Variants in CATSPERQ observed in about 807,000 individuals in gnomAD.
The protein encoded by CATSPERQ is catsper channel auxiliary subunit theta, also known as cation channel sperm-associated auxiliary subunit theta.
At chr8:144,354,588 CGCCCCGCCCCGCCCA>C in the CATSPERQ span, 1 of 1,283,024 alleles carries the variant, frequency 7.8e-7, no homozygotes, top group Non-Finnish European at 1.1e-6. The surrounding 1 kb of genome is among the most constrained non-coding windows in gnomAD (Gnocchi z 4.6). Context: ...AGCCCCGCCC[CGCCCCGCCCCGCCCA>C]GCCTCGCGCG....
At chr8:144,354,558 T>TG in the CATSPERQ span, 99 of 504,342 alleles carry the variant, frequency 2.0e-4, no homozygotes, top group Non-Finnish European at 3.1e-4. The surrounding 1 kb of genome is among the most constrained non-coding windows in gnomAD (Gnocchi z 4.6). Flanking sequence ...GTCTCCCTCC[T>TG]CCCCCGCCCC....
At chr8:144,354,564 G>A in the CATSPERQ span, 12 of 254,766 alleles carry the variant, frequency 4.7e-5, no homozygotes, top group South Asian at 6.3e-4. This position sits in a 1 kb window ranked among gnomAD's most constrained non-coding sequence, Gnocchi z 4.6. Context: ...CTCCTCCCCC[G>A]CCCCGCCCTT....
the CATSPERQ span, chr8:144,354,256 C>G: frequency 6.5e-7 from 1 of 1,538,648 alleles, no homozygotes; most frequent in African/African-American, 1.4e-5. This position sits in a 1 kb window ranked among gnomAD's most constrained non-coding sequence, Gnocchi z 4.6. Flanking sequence ...GGAGCTGAAG[C>G]TGACCAGGAC....
At chr8:144,354,147 C>A in the CATSPERQ span, 25 of 1,534,706 alleles carry the variant, frequency 1.6e-5, no homozygotes, top group African/African-American at 1.4e-4. The surrounding 1 kb of genome is among the most constrained non-coding windows in gnomAD (Gnocchi z 4.6). Flanking sequence ...CTTGCTTCTG[C>A]ACCTGCGGGC....
chr8:144,354,170 G>A, the CATSPERQ span: 3 of 1,538,782 alleles, frequency 1.9e-6, no homozygotes, highest in African/African-American at 1.4e-5. This position sits in a 1 kb window ranked among gnomAD's most constrained non-coding sequence, Gnocchi z 4.6. Context: ...CACGCGGAGA[G>A]TCTGAGCGGC....
chr8:144,353,996 G>A, the CATSPERQ span: 3 of 1,534,838 alleles, frequency 2.0e-6, no homozygotes, highest in African/African-American at 1.4e-5. Flanking sequence ...AGATGCAAGG[G>A]GCCCTGGCAC....
chr8:144,354,652 T>C, the CATSPERQ span: 21 of 1,533,000 alleles, frequency 1.4e-5, no homozygotes, highest in South Asian at 1.4e-4. The surrounding 1 kb of genome is among the most constrained non-coding windows in gnomAD (Gnocchi z 4.6). Context: ...GTAGAAGCTA[T>C]TGTTCTTGAG....
the CATSPERQ span, chr8:144,354,072 C>T: frequency 1.3e-6 from 2 of 1,535,214 alleles, no homozygotes; most frequent in African/African-American, 1.4e-5. This position sits in a 1 kb window ranked among gnomAD's most constrained non-coding sequence, Gnocchi z 4.6. Flanking sequence ...GGCGGCGCCG[C>T]GGCAGCGACG....
the CATSPERQ span, chr8:144,354,188 C>A: frequency 6.5e-7 from 1 of 1,542,564 alleles, no homozygotes; most frequent in African/African-American, 1.4e-5. This position sits in a 1 kb window ranked among gnomAD's most constrained non-coding sequence, Gnocchi z 4.6. Flanking sequence ...GGCGCGGGGC[C>A]GGCCCTCAGG....
chr8:144,354,742 A>G, the CATSPERQ span: 2 of 1,535,432 alleles, frequency 1.3e-6, no homozygotes, highest in Non-Finnish European at 1.7e-6. The surrounding 1 kb of genome is among the most constrained non-coding windows in gnomAD (Gnocchi z 4.6). Context: ...GGTCGTGGGC[A>G]GGCTGCCGGC....
the CATSPERQ span, chr8:144,354,832 G>A: frequency 6.6e-7 from 1 of 1,506,010 alleles, no homozygotes; most frequent in East Asian, 2.5e-5. This position sits in a 1 kb window ranked among gnomAD's most constrained non-coding sequence, Gnocchi z 4.6. Flanking sequence ...GCCCACAGCG[G>A]CACTCCTACC....
At chr8:144,354,213 G>A in the CATSPERQ span, 1 of 1,546,986 alleles carries the variant, frequency 6.5e-7, no homozygotes, top group African/African-American at 1.4e-5. This position sits in a 1 kb window ranked among gnomAD's most constrained non-coding sequence, Gnocchi z 4.6. Flanking sequence ...GAGGGCGGTG[G>A]GGGTCGGGCC....
chr8:144,353,946 C>CCCGTTA, the CATSPERQ span: 3 of 1,530,690 alleles, frequency 2.0e-6, no homozygotes, highest in Admixed American at 5.9e-5. Flanking sequence ...ACCCTCCCGG[C>CCCGTTA]CCGTTACCAT....
chr8:144,354,468 C>G, the CATSPERQ span: 1 of 1,317,584 alleles, frequency 7.6e-7, no homozygotes, highest in Non-Finnish European at 1.0e-6. This position sits in a 1 kb window ranked among gnomAD's most constrained non-coding sequence, Gnocchi z 4.6. Flanking sequence ...TCTCCGTCCC[C>G]AGGAGCACCG....
chr8:144,354,649 C>G, the CATSPERQ span: 107 of 1,533,452 alleles, frequency 7.0e-5, no homozygotes, highest in Non-Finnish European at 9.1e-5. This position sits in a 1 kb window ranked among gnomAD's most constrained non-coding sequence, Gnocchi z 4.6. Flanking sequence ...TGGGTAGAAG[C>G]TATTGTTCTT....
the CATSPERQ span, chr8:144,354,563 C>T: frequency 2.8e-6 from 2 of 710,142 alleles, no homozygotes; most frequent in Non-Finnish European, 4.4e-6. This position sits in a 1 kb window ranked among gnomAD's most constrained non-coding sequence, Gnocchi z 4.6. Flanking sequence ...CCTCCTCCCC[C>T]GCCCCGCCCT....
chr8:144,353,311 C>T, the CATSPERQ span: 12 of 1,495,952 alleles, frequency 8.0e-6, no homozygotes, highest in African/African-American at 1.4e-5. Context: ...GGGAGGTTAC[C>T]GAGAACACAG....
the CATSPERQ span, chr8:144,354,598 C>A: frequency 6.7e-7 from 1 of 1,483,580 alleles, no homozygotes; most frequent in Non-Finnish European, 9.0e-7. The surrounding 1 kb of genome is among the most constrained non-coding windows in gnomAD (Gnocchi z 4.6). Flanking sequence ...CGCCCCGCCC[C>A]GCCCAGCCTC....
chr8:144,353,946 C>CT, the CATSPERQ span: 1 of 1,530,690 alleles, frequency 6.5e-7, no homozygotes, highest in Non-Finnish European at 8.7e-7. Flanking sequence ...ACCCTCCCGG[C>CT]CCGTTACCAT....
Sources: allele counts gnomAD v4.1 joint callset, GRCh38; gene constraint gnomAD v4.1.1; non-coding constraint Gnocchi (gnomAD v3.1); transcripts MANE v1.5; gene names NCBI Gene and HGNC (gene_info 2026-07-23, HGNC 2026-07-21).